The following CECR2 variants were observed in gnomAD, a reference collection of about 807,000 sequenced individuals.
The protein encoded by CECR2 is chromatin remodeling regulator CECR2.
In CECR2, 30 loss-of-function variants were observed where a neutral mutation model predicts 154.5. That is an observed-to-expected ratio of 0.19 (90% CI 0.15 to 0.26). The LOEUF is 0.26. Among genes scored for constraint, CECR2 ranks in the 10% least tolerant of loss-of-function variants. CECR2 has a pLI of 1.00. For missense variants in CECR2, 1,743 were observed against 1,829.3 expected, an observed-to-expected ratio of 0.95 and a Z score of 0.86; for synonymous variants, 725 against 683.7, an observed-to-expected ratio of 1.06 and a Z score of -0.94.
At chr22:17,471,314 C>T (rs1277189969) in intron 1 of CECR2, among the ~76,000 whole-genome samples, 1 of 152,172 alleles carries the variant, frequency 6.6e-6, no homozygotes, top group African/African-American at 2.4e-5. Context: ...CAGATTTTGT[C>T]TCTGGCCATG....
chr22:17,511,451 C>T (rs532792095), intron 7 of CECR2, among the ~76,000 whole-genome samples: 1 of 152,272 alleles, frequency 6.6e-6, no homozygotes, highest in Admixed American at 6.5e-5. Context: ...CTGATGCCCC[C>T]TCCCAGAGCC....
chr22:17,413,984 A>AT (rs1230557887), intron 1 of CECR2, among the ~76,000 whole-genome samples: 1 of 123,098 alleles, frequency 8.1e-6, no homozygotes, highest in African/African-American at 3.2e-5. Context: ...GCCTATTATT[A>AT]TTTTTTGAGA....
At chr22:17,537,992 CAAAAA>C (rs1339847156) in intron 10 of CECR2, among the ~76,000 whole-genome samples, 1 of 99,568 alleles carries the variant, frequency 1.0e-5, no homozygotes, top group Non-Finnish European at 2.1e-5. Flanking sequence ...AGACTCCGTC[CAAAAA>C]AAAAAAAAAA....
chr22:17,500,208 C>CAAAAA (rs5844315), intron 4 of CECR2, among the ~76,000 whole-genome samples: 3 of 116,000 alleles, frequency 2.6e-5, no homozygotes, highest in Non-Finnish European at 5.5e-5. Flanking sequence ...GAGACTCCAT[C>CAAAAA]AAAAAAAAAA....
At position 17,483,794 on chromosome 22, in the gene CECR2, A is replaced by G. The variant is rs543383319; in HGVS notation, c.221+6112A>G. ...ATTTAGAAAGTTTACAGTGATGTAC[A>G]GTCATGTGCCAAGCCTTCACATTCA... On this transcript the variant is annotated intron_variant, in intron 2 of 18. Coordinates refer to ENST00000262608, the MANE Select transcript of CECR2 (RefSeq NM_001290047.2). Among the ~76,000 whole-genome samples the G allele has an allele frequency of 2.6e-5, 4 of 152,338 alleles. No homozygotes were observed. The South Asian group carries it at 8.3e-4, about 32-fold the overall frequency.
intron 1 of CECR2, among the ~76,000 whole-genome samples, chr22:17,448,431 A>G (rs1374267920): frequency 6.6e-6 from 1 of 152,222 alleles, no homozygotes; most frequent in East Asian, 1.9e-4. Context: ...AATGGAAGAT[A>G]ACTTTGACAT....
chr22:17,474,065 T>C (rs2055170591), intron 1 of CECR2, among the ~76,000 whole-genome samples: 1 of 152,096 alleles, frequency 6.6e-6, no homozygotes, highest in Non-Finnish European at 1.5e-5. Flanking sequence ...GGGGGGTTTA[T>C]AGTTACTAAA....
At chr22:17,454,257 C>G (rs1367705391) in intron 1 of CECR2, among the ~76,000 whole-genome samples, 1 of 151,874 alleles carries the variant, frequency 6.6e-6, no homozygotes, top group South Asian at 2.1e-4. Flanking sequence ...CATGATCGCA[C>G]CACTGCACCC....
At chr22:17,363,261 T>G (rs1271797784) in intron 1 of CECR2, among the ~76,000 whole-genome samples, 1 of 151,128 alleles carries the variant, frequency 6.6e-6, no homozygotes, top group African/African-American at 2.4e-5. Context: ...CAGGCTGGAG[T>G]GCAGTGGCGC....
At position 17,541,948 on chromosome 22, in the gene CECR2, G is replaced by T. The variant is rs144027854; in HGVS notation, c.1994G>T (p.Arg665Leu). 1.2e-6 allele frequency: 2 copies of T among 1,613,738 alleles called. No homozygotes were observed. Among genetic ancestry groups the T allele is most frequent in the South Asian group, 2.2e-5 (2 of 91,044 alleles). ...EPHPGEPVQQRQPFTMQPPVG... is the reference protein window; with the variant it reads ...EPHPGEPVQQLQPFTMQPPVG... ...CACCCCGGGGAGCCTGTGCAGCAGC[G>T]TCAGCCTTTCACCATGCAGGTAAGC... The change falls in exon 15 of 19, where the codon CGT becomes CTT. Residue 665 changes from arginine (R) to leucine (L), a missense_variant. Arg to Leu is a moderately radical substitution (Grantham distance 102). Around this residue, in one of 4 missense-constraint regions of CECR2, gnomAD observed 1,250 missense variants for 1,192.1 expected, o/e 1.05. Transcript: ENST00000262608.
chr22:17,538,819 T>TA (rs1491436824), intron 12 of CECR2, 88 bp downstream of exon 12: 145 of 1,306,744 alleles, frequency 1.1e-4, no homozygotes, highest in Non-Finnish European at 1.1e-4. Context: ...TATATATATA[T>TA]TTTGATACGT....
At chr22:17,486,275 C>A (rs1408306606) in intron 2 of CECR2, among the ~76,000 whole-genome samples, 1 of 152,226 alleles carries the variant, frequency 6.6e-6, no homozygotes, top group African/African-American at 2.4e-5. Context: ...CTGGTATAAG[C>A]CTGAGAGACA....
intron 1 of CECR2, among the ~76,000 whole-genome samples, chr22:17,447,048 T>TTTTTTTTC (rs1569087798): frequency 4.8e-5 from 7 of 146,288 alleles, no homozygotes; most frequent in African/African-American, 1.6e-4. Flanking sequence ...TTTTTTTTTT[T>TTTTTTTTC]TTTTGAGACA....
chr22:17,382,101 A>C (rs890429112), intron 1 of CECR2, among the ~76,000 whole-genome samples: 13 of 151,432 alleles, frequency 8.6e-5, no homozygotes, highest in Non-Finnish European at 1.2e-4. Flanking sequence ...CGTGTTAGCC[A>C]GGATGGTCTT....
chr22:17,422,739 T>C lies in CECR2; in HGVS notation c.126+52830T>C, dbSNP rs576792040. Among the ~76,000 whole-genome samples, 8 of 152,260 alleles carry C rather than the reference T, an allele frequency of 5.3e-5. No homozygotes were observed. In the South Asian group the frequency reaches 1.0e-3, roughly 20 times the overall value. ...TTTTCCCTTTGGTTTTCAGTTTGTA[T>C]TGATACATCCTTAAGCTCAGAGATT... is the stretch of plus-strand genomic sequence containing the variant. On this transcript the variant is annotated intron_variant, in intron 1 of 18. Coordinates refer to ENST00000262608, the MANE Select transcript of CECR2 (RefSeq NM_001290047.2).
intron 1 of CECR2, among the ~76,000 whole-genome samples, chr22:17,421,321 A>C (rs536439622): frequency 7.5e-4 from 114 of 152,050 alleles, no homozygotes; most frequent in African/African-American, 2.6e-3. Flanking sequence ...ATACAAAAAA[A>C]TTAGCCAGGC....
At chr22:17,384,346 A>C (rs951997078) in intron 1 of CECR2, among the ~76,000 whole-genome samples, 1 of 152,162 alleles carries the variant, frequency 6.6e-6, no homozygotes, top group Admixed American at 6.5e-5. Context: ...GGCCTCCTAA[A>C]GTGTTAGGAT....
In CECR2 at chr22:17,555,132, G is replaced by A. The variant is rs2056759010; in HGVS notation, c.*2292G>A. The A allele has an allele frequency of 6.6e-6, 1 of 152,304 alleles. No individual in the cohort carries two copies. The highest frequency in any genetic ancestry group is 2.1e-4 in the South Asian group (1 of 4,830). 9.4% of individuals were successfully genotyped at this position (152,304 alleles called of 1,614,324 possible). On this transcript the variant is annotated 3_prime_UTR_variant, in exon 19 of 19. Transcript: ENST00000262608. ...CTTTCCTTCTGCCCTCGTGGTCCTT[G>A]AGCAGTTGTGTGCACACTCTTCCAG...
Position 17,538,708 on chromosome 22 carries a change from CCTAA to C in CECR2, c.1349_1352del (p.Asn450IlefsTer18). The stretch of plus-strand genomic sequence containing the variant: ...GGAACCTGTGGATGAATCTTATGCC[CCTAA>C]CTATTATCAGATTATTAAGGTAGAA... On this transcript the variant is annotated frameshift_variant, in exon 12 of 19. Coordinates refer to ENST00000262608, the MANE Select transcript of CECR2 (RefSeq NM_001290047.2). LOFTEE classifies it high-confidence loss of function. 6.2e-7 allele frequency: 1 copy of C among 1,613,758 alleles called. No individual in the cohort carries two copies. Among genetic ancestry groups the C allele is most frequent in the Non-Finnish European group, 8.5e-7 (1 of 1,179,730 alleles).
Sources: allele counts gnomAD v4.1 joint callset (sites outside exome capture counted in the v4.1 genomes callset), GRCh38; gene constraint gnomAD v4.1.1; regional missense constraint gnomAD v4.1.1; transcripts MANE v1.5; gene names NCBI Gene and HGNC (gene_info 2026-07-23, HGNC 2026-07-21).